Variants in NAA25 observed in about 807,000 individuals in gnomAD.
The protein encoded by NAA25 is N-alpha-acetyltransferase 25, NatB auxiliary subunit, also known as N-terminal acetyltransferase B complex subunit NAA25.
In NAA25, 30 loss-of-function variants were observed where a neutral mutation model predicts 132.5. The ratio of observed to expected loss-of-function variants is 0.23; its 90% confidence interval spans 0.17 to 0.31. The LOEUF (loss-of-function observed/expected upper bound fraction) is 0.31. Ranked by LOEUF, NAA25 falls within the 10% of genes least tolerant of loss-of-function variation. The pLI is 1.00. For synonymous variants in NAA25, 359 were observed against 401.9 expected (o/e 0.89, Z 1.28); for missense variants, 771 against 1,150.4 (o/e 0.67, Z 4.77).
chr12:112,056,844 C>T (rs560983955), intron 13 of NAA25, among the ~76,000 whole-genome samples: 12 of 152,242 alleles, frequency 7.9e-5, no homozygotes, highest in Admixed American at 5.9e-4. Context: ...TTTTTTCTCT[C>T]TGCCCTCCAT....
intron 1 of NAA25, among the ~76,000 whole-genome samples, chr12:112,099,773 G>C (rs1279593809): frequency 3.9e-5 from 6 of 152,174 alleles, no homozygotes; most frequent in African/African-American, 1.4e-4. Context: ...GATGGATACT[G>C]ACAGTAGGAA....
At chr12:112,096,105 A>T (rs527325053) in intron 1 of NAA25, among the ~76,000 whole-genome samples, 2 of 152,176 alleles carry the variant, frequency 1.3e-5, no homozygotes, top group Non-Finnish European at 2.9e-5. Flanking sequence ...CTTTCTACTC[A>T]TTTTTCTGTA....
chr12:112,063,206 G>A (rs950310164), intron 11 of NAA25, among the ~76,000 whole-genome samples: 2 of 152,198 alleles, frequency 1.3e-5, no homozygotes, highest in African/African-American at 4.8e-5. Context: ...ATGCAATGAG[G>A]CAGACCCCAA....
intron 17 of NAA25, among the ~76,000 whole-genome samples, chr12:112,045,414 G>A (rs1440342598): frequency 6.6e-6 from 1 of 151,608 alleles, no homozygotes; most frequent in African/African-American, 2.4e-5. Flanking sequence ...TTGAACCCGG[G>A]AGGCGGAGGT....
intron 22 of NAA25, chr12:112,033,704 C>T (rs534929157): frequency 6.0e-6 from 1 of 167,924 alleles, no homozygotes; most frequent in East Asian, 1.6e-4. Context: ...AAGCTAAAAA[C>T]CATTAAAAAG....
rs1204095416 is a variant in NAA25 at position 112,072,019 on chromosome 12, C to T, written c.912G>A (p.Lys304=). Residue 304 remains lysine (K), a synonymous_variant, in exon 10 of 24, where the codon AAG becomes AAA. Transcript: ENST00000261745. ...CTTCCGTTATCCGATCTTCTATAAACTTCACAGCTTTTTCTGCAGAATAAT... is the reference window on the plus strand; with the variant it reads ...CTTCCGTTATCCGATCTTCTATAAATTTCACAGCTTTTTCTGCAGAATAAT... ...EVHYSAEKAV[K]FIEDRITEES... is the part of the protein sequence containing the mutation. The T allele has an allele frequency of 4.3e-6, 7 of 1,613,960 alleles. No individual in the cohort carries two copies. In the East Asian group the frequency reaches 1.1e-4, roughly 26 times the overall value.
At chr12:112,053,821 TAAAA>T (rs4041251) in intron 14 of NAA25, among the ~76,000 whole-genome samples, 164 bp from the exon 15 acceptor site, 3 of 114,346 alleles carry the variant, frequency 2.6e-5, no homozygotes, top group Non-Finnish European at 3.7e-5. Flanking sequence ...AGTTAAAATT[TAAAA>T]AAAAAAAAAA....
intron 4 of NAA25, among the ~76,000 whole-genome samples, chr12:112,081,993 G>A (rs1326575071): frequency 6.6e-6 from 1 of 152,218 alleles, no homozygotes; most frequent in Non-Finnish European, 1.5e-5. Context: ...GCTCATGCCT[G>A]TAATCCCATC....
rs2078428340 is a variant in NAA25, at chr12:112,049,147, G to A, written c.1729-704C>T. On this transcript the variant is annotated intron_variant, in intron 15 of 23. Coordinates refer to ENST00000261745, the MANE Select transcript of NAA25 (RefSeq NM_024953.4). This position sits in a 1 kb window ranked among gnomAD's most constrained non-coding sequence, Gnocchi z 4.7. ...TGTGAAGGGAACATTCACCACATGT[G>A]CTTTAATTGTAGCTTAATACATATA... is the stretch of plus-strand genomic sequence containing the variant. Among the ~76,000 whole-genome samples the A allele has an allele frequency of 6.6e-6, 1 of 152,154 alleles. No homozygotes were observed. Among genetic ancestry groups the A allele is most frequent in the Non-Finnish European group, 1.5e-5 (1 of 68,034 alleles).
intron 11 of NAA25, 68 bp downstream of exon 11, chr12:112,068,812 A>G: frequency 5.8e-6 from 5 of 857,990 alleles, no homozygotes; most frequent in Non-Finnish European, 7.4e-6. Flanking sequence ...AAAGAAACCC[A>G]AACATTTAAC....
chr12:112,105,793 G>A (rs1176952592), intron 1 of NAA25, among the ~76,000 whole-genome samples: 2 of 152,172 alleles, frequency 1.3e-5, no homozygotes, highest in African/African-American at 2.4e-5. Flanking sequence ...TCAAATCCCA[G>A]CTCTACAACT....
intron 11 of NAA25, among the ~76,000 whole-genome samples, chr12:112,067,553 T>C (rs1273656917): frequency 1.3e-5 from 2 of 151,578 alleles, no homozygotes; most frequent in East Asian, 3.9e-4. Context: ...TAACTAAAAA[T>C]ACAAAAATTA....
Position 112,049,455 on chromosome 12 carries a change from G to A in NAA25, c.1729-1012C>T. The A allele has an allele frequency of 1.0e-6, 1 of 985,816 alleles. No homozygotes were observed. The highest frequency in any genetic ancestry group is 1.2e-6 in the Non-Finnish European group (1 of 829,932). The allele number at this position is 985,816 out of a possible 1,614,324, so 61.1% of individuals were successfully genotyped here. A position where few individuals can be genotyped will look rare whatever the true frequency, so the allele number is the denominator to read the frequency against. ...TACGTCTGAATAATTTGCCCAGTAG[G>A]AAAATAGGCCAATAGTCAACAACAT... is the stretch of plus-strand genomic sequence containing the variant. On this transcript the variant is annotated intron_variant, in intron 15 of 23. Coordinates refer to ENST00000261745, the MANE Select transcript of NAA25 (RefSeq NM_024953.4). The surrounding 1 kb of genome is among the most constrained non-coding windows in gnomAD (Gnocchi z 4.7).
At chr12:112,058,358 T>C (rs945519396) in intron 13 of NAA25, among the ~76,000 whole-genome samples, 3 of 152,176 alleles carry the variant, frequency 2.0e-5, no homozygotes, top group Non-Finnish European at 4.4e-5. Context: ...CAAAAAAATT[T>C]TAAAGTAGAT....
At chr12:112,098,590 C>G (rs1469222381) in intron 1 of NAA25, among the ~76,000 whole-genome samples, 1 of 152,118 alleles carries the variant, frequency 6.6e-6, no homozygotes, top group African/African-American at 2.4e-5. Context: ...TGGTGCTGTT[C>G]CCTTAATAAC....
intron 9 of NAA25, among the ~76,000 whole-genome samples, chr12:112,072,297 C>A (rs2078822036): frequency 6.6e-6 from 1 of 152,066 alleles, no homozygotes; most frequent in Non-Finnish European, 1.5e-5. Context: ...AAAAAGAATG[C>A]ATAATTTTGT....
At chr12:112,103,450 T>C (rs575850282) in intron 1 of NAA25, among the ~76,000 whole-genome samples, 77 of 152,316 alleles carry the variant, frequency 5.1e-4, no homozygotes, top group Non-Finnish European at 9.1e-4. Flanking sequence ...CCAATGGTGA[T>C]GGAAGTTCTA....
At chr12:112,038,533 TG>T (rs1377044555) in intron 22 of NAA25, among the ~76,000 whole-genome samples, 1 of 152,198 alleles carries the variant, frequency 6.6e-6, no homozygotes, top group Non-Finnish European at 1.5e-5. Flanking sequence ...AAGATCTTTA[TG>T]GGTGTCATAT....
At position 112,043,118 on chromosome 12, in the gene NAA25, C is replaced by A; in HGVS notation, c.2344G>T (p.Asp782Tyr). The A allele has an allele frequency of 1.2e-6, 2 of 1,612,624 alleles. No individual in the cohort carries two copies. Among genetic ancestry groups the A allele is most frequent in the South Asian group, 1.1e-5 (1 of 90,912 alleles). The change falls in exon 19 of 24, where the codon GAT becomes TAT. Residue 782 changes from aspartate to tyrosine, a missense_variant. By Grantham distance (160) the Asp-to-Tyr change is radical (BLOSUM62 -3). Transcript: ENST00000261745. ...CQISSFYLVN[D>Y]IYELDTSGLE... is the part of the protein sequence containing the mutation. The stretch of plus-strand genomic sequence containing the variant: ...CCACTGGTATCCAGCTCATAAATAT[C>A]ATTGACAAGATAAAAAGAGCTTATC...
Sources: allele counts gnomAD v4.1 joint callset (sites outside exome capture counted in the v4.1 genomes callset), GRCh38; gene constraint gnomAD v4.1.1; non-coding constraint Gnocchi (gnomAD v3.1); transcripts MANE v1.5; gene names NCBI Gene and HGNC (gene_info 2026-07-23, HGNC 2026-07-21).